ZNF385B: variants seen among roughly 807,000 people sequenced by gnomAD.
ZNF385B encodes zinc finger protein 533.
Under a neutral mutation model 39.2 loss-of-function variants are expected in ZNF385B, and 23 were observed. The observed-to-expected ratio is 0.59, with a 90% confidence interval of 0.42 to 0.83. The LOEUF is 0.83. ZNF385B is among the 40% of genes least tolerant of loss of function. The probability of loss-of-function intolerance (pLI) is 0.00; values close to 1 mark genes in which losing one functional copy is unlikely to be tolerated. For missense variants in ZNF385B, 552 were observed against 598.9 expected, an observed-to-expected ratio of 0.92 and a Z score of 0.82; for synonymous variants, 205 against 222.6, an observed-to-expected ratio of 0.92 and a Z score of 0.70.
intron 3 of ZNF385B, among the ~76,000 whole-genome samples, chr2:179,675,791 AT>A (rs55819457): frequency 0.83 from 118,024 of 142,628 alleles, 49,998 homozygotes; most frequent in South Asian, 0.93. Context: ...ACTGACAGTA[AT>A]TTTTTTTTTT....
At chr2:179,523,164 G>C (rs1370393548) in intron 4 of ZNF385B, among the ~76,000 whole-genome samples, 1 of 152,114 alleles carries the variant, frequency 6.6e-6, no homozygotes, top group Non-Finnish European at 1.5e-5. Flanking sequence ...GGTTGCAGCT[G>C]TTACCAGGAA....
At chr2:179,522,455 G>C (rs1310749841) in intron 4 of ZNF385B, among the ~76,000 whole-genome samples, 1 of 151,978 alleles carries the variant, frequency 6.6e-6, no homozygotes. Context: ...AAAAGTTCAG[G>C]ATTAATAAAA....
At chr2:179,712,988 G>C (rs1206635893) in intron 3 of ZNF385B, among the ~76,000 whole-genome samples, 1 of 152,158 alleles carries the variant, frequency 6.6e-6, no homozygotes, top group Non-Finnish European at 1.5e-5. Context: ...CAACAGCAGT[G>C]AGCCACAGCA....
At chr2:179,611,473 C>G (rs1261441976) in intron 3 of ZNF385B, among the ~76,000 whole-genome samples, 2 of 152,124 alleles carry the variant, frequency 1.3e-5, no homozygotes, top group African/African-American at 4.8e-5. Context: ...TCTGCATCCA[C>G]GTTTATCAGG....
At chr2:179,636,090 C>T (rs75461571) in intron 3 of ZNF385B, among the ~76,000 whole-genome samples, 1,561 of 152,264 alleles carry the variant, frequency 0.01, 30 homozygotes, top group African/African-American at 0.036. Context: ...TGAGAACTTA[C>T]ATTTTTATTA....
At chr2:179,801,869 G>T (rs1706057521) in intron 1 of ZNF385B, among the ~76,000 whole-genome samples, 1 of 152,108 alleles carries the variant, frequency 6.6e-6, no homozygotes, top group African/African-American at 2.4e-5. Flanking sequence ...CAGAAGGAAA[G>T]AGTCTGAGAA....
chr2:179,454,587 T>C (rs1288271148), intron 6 of ZNF385B, among the ~76,000 whole-genome samples: 2 of 152,174 alleles, frequency 1.3e-5, no homozygotes, highest in Admixed American at 1.3e-4. Flanking sequence ...ATTGTTATCA[T>C]TTATGACAGC....
chr2:179,493,542 C>G (rs947874434), intron 5 of ZNF385B, among the ~76,000 whole-genome samples: 3 of 150,454 alleles, frequency 2.0e-5, no homozygotes, highest in Admixed American at 2.0e-4. Context: ...TATGCGTATA[C>G]ATACGTGTAC....
intron 3 of ZNF385B, among the ~76,000 whole-genome samples, chr2:179,604,434 AT>A (rs1688641849): frequency 6.6e-6 from 1 of 152,226 alleles, no homozygotes; most frequent in South Asian, 2.1e-4. Context: ...TTCTGGCCCA[AT>A]AAAAGAATGT....
intron 3 of ZNF385B, among the ~76,000 whole-genome samples, chr2:179,688,414 T>G (rs911750951): frequency 6.6e-6 from 1 of 151,912 alleles, no homozygotes; most frequent in Non-Finnish European, 1.5e-5. Context: ...CGAGAGGATC[T>G]CTTGAGCCCA....
intron 3 of ZNF385B, among the ~76,000 whole-genome samples, chr2:179,574,074 G>A (rs553734863): frequency 5.9e-5 from 9 of 152,108 alleles, no homozygotes; most frequent in East Asian, 5.8e-4. Context: ...TTTAAGATCC[G>A]TAACAAAATC....
chr2:179,802,512 A>G (rs940956659), intron 1 of ZNF385B: 1 of 152,118 alleles, frequency 6.6e-6, no homozygotes, highest in Non-Finnish European at 1.5e-5. Flanking sequence ...AACAGTCCCA[A>G]TCAGAATCAT....
At chr2:179,527,588 T>C (rs1207576909) in intron 4 of ZNF385B, among the ~76,000 whole-genome samples, 1 of 152,016 alleles carries the variant, frequency 6.6e-6, no homozygotes, top group African/African-American at 2.4e-5. Flanking sequence ...CATAAAATAA[T>C]GTCCTTTTTC....
intron 3 of ZNF385B, among the ~76,000 whole-genome samples, chr2:179,658,259 A>G (rs1038497648): frequency 6.6e-6 from 1 of 152,188 alleles, no homozygotes; most frequent in African/African-American, 2.4e-5. Context: ...AGAGGCAGGG[A>G]TCATTCTCCT....
At chr2:179,837,888 T>C (rs561458270) in intron 1 of ZNF385B, among the ~76,000 whole-genome samples, 1 of 152,328 alleles carries the variant, frequency 6.6e-6, no homozygotes, top group African/African-American at 2.4e-5. Context: ...TAACGTTCTA[T>C]CATCACTATA....
At chr2:179,600,748 T>G (rs980208202) in intron 3 of ZNF385B, among the ~76,000 whole-genome samples, 8 of 152,218 alleles carry the variant, frequency 5.3e-5, no homozygotes, top group African/African-American at 1.9e-4. Flanking sequence ...TTTGTCAGTC[T>G]TAACTACTTC....
chr2:179,852,874 T>C (rs1209707805), intron 1 of ZNF385B, among the ~76,000 whole-genome samples: 2 of 152,282 alleles, frequency 1.3e-5, no homozygotes, highest in East Asian at 3.9e-4. Flanking sequence ...AGTCCAATAA[T>C]GACTACACTA....
intron 3 of ZNF385B, among the ~76,000 whole-genome samples, chr2:179,656,018 A>G (rs1460902612): frequency 6.6e-6 from 1 of 152,132 alleles, no homozygotes; most frequent in Non-Finnish European, 1.5e-5. Context: ...TTTTTTATTT[A>G]TGTTAATAGG....
At chr2:179,451,251 TAAAAA>T (rs71029810) in intron 6 of ZNF385B, among the ~76,000 whole-genome samples, 2 of 134,844 alleles carry the variant, frequency 1.5e-5, no homozygotes, top group African/African-American at 5.4e-5. Flanking sequence ...AAAGTATAAT[TAAAAA>T]AAAAAAAAAA....
Sources: gnomAD v4.1 joint callset for allele counts (sites outside exome capture counted in the v4.1 genomes callset) on GRCh38, gnomAD v4.1.1 for gene constraint, MANE v1.5 for transcripts, NCBI Gene and HGNC (gene_info 2026-07-23, HGNC 2026-07-21) for gene names.